The following SCHIP1 variants were observed in gnomAD, a reference collection of about 807,000 sequenced individuals.
The protein encoded by SCHIP1 is schwannomin interacting protein 1.
In SCHIP1, 8 loss-of-function variants were observed where a neutral mutation model predicts 29.7. The ratio of observed to expected loss-of-function variants is 0.27; its 90% CI spans 0.16 to 0.49. The LOEUF (loss-of-function observed/expected upper bound fraction) is 0.49, where lower values mean the gene tolerates loss of function less well. Among genes scored for constraint, SCHIP1 ranks in the 20% least tolerant of loss-of-function variants. The pLI, the probability that SCHIP1 is intolerant of heterozygous loss-of-function variation, is 0.99. For synonymous variants in SCHIP1, 76 were observed against 94.9 expected, an observed-to-expected ratio of 0.80 and a Z score of 1.16; for missense variants, 193 against 294.6, an observed-to-expected ratio of 0.66 and a Z score of 2.52.
chr3:159,335,418 T>TTCTAGATCCCTGAGGAATC, the SCHIP1 span, among the ~76,000 whole-genome samples: 3 of 152,162 alleles, frequency 2.0e-5, no homozygotes, highest in Non-Finnish European at 4.4e-5. Flanking sequence ...TGTATACATG[T>TTCTAGATCCCTGAGGAATC]GCCATGTTGG....
chr3:159,399,033 A>T, the SCHIP1 span: 3 of 663,570 alleles, frequency 4.5e-6, no homozygotes, highest in African/African-American at 5.9e-5. Flanking sequence ...CCCACCCCAA[A>T]CCCTCACTCC....
chr3:159,355,374 T>G, the SCHIP1 span, among the ~76,000 whole-genome samples: 1 of 152,190 alleles, frequency 6.6e-6, no homozygotes, highest in Admixed American at 6.5e-5. Context: ...CTCTCTTGCA[T>G]TGAACCCCCC....
chr3:159,576,843 A>G, the SCHIP1 span, among the ~76,000 whole-genome samples: 2 of 152,184 alleles, frequency 1.3e-5, no homozygotes, highest in Non-Finnish European at 2.9e-5. Context: ...CTAACCTGAG[A>G]ACAGCTGCCT....
the SCHIP1 span, among the ~76,000 whole-genome samples, chr3:159,815,166 T>C: frequency 6.6e-6 from 1 of 152,190 alleles, no homozygotes; most frequent in African/African-American, 2.4e-5. Flanking sequence ...AATTTAAAAT[T>C]AGACTCTCTT....
chr3:159,363,834 A>G, the SCHIP1 span, among the ~76,000 whole-genome samples: 2 of 152,208 alleles, frequency 1.3e-5, no homozygotes, highest in African/African-American at 4.8e-5. Flanking sequence ...ATAAAAGGAT[A>G]CTTTTTGATA....
At chr3:159,744,889 G>T in the SCHIP1 span, among the ~76,000 whole-genome samples, 6 of 152,192 alleles carry the variant, frequency 3.9e-5, no homozygotes, top group Non-Finnish European at 8.8e-5. Context: ...GGAGGCTGAG[G>T]CAGGAGAATG....
chr3:159,642,061 G>A, the SCHIP1 span, among the ~76,000 whole-genome samples: 5 of 152,030 alleles, frequency 3.3e-5, no homozygotes, highest in African/African-American at 1.2e-4. Context: ...TCCCACTTAT[G>A]GACTCTGTGA....
chr3:159,479,117 A>C, the SCHIP1 span, among the ~76,000 whole-genome samples: 1 of 152,332 alleles, frequency 6.6e-6, no homozygotes, highest in South Asian at 2.1e-4. Flanking sequence ...AATTCACATA[A>C]TATTAAGCCA....
At chr3:159,538,585 T>C in the SCHIP1 span, among the ~76,000 whole-genome samples, 1 of 152,148 alleles carries the variant, frequency 6.6e-6, no homozygotes, top group Non-Finnish European at 1.5e-5. Flanking sequence ...TTTCATAGCT[T>C]CAACCTTGAC....
the SCHIP1 span, among the ~76,000 whole-genome samples, chr3:159,710,977 A>G: frequency 6.6e-5 from 10 of 152,282 alleles, no homozygotes; most frequent in East Asian, 1.9e-3. Context: ...ACGTGATTAT[A>G]AGATAAAACT....
chr3:159,421,215 C>T, the SCHIP1 span, among the ~76,000 whole-genome samples: 1 of 152,158 alleles, frequency 6.6e-6, no homozygotes, highest in African/African-American at 2.4e-5. Context: ...TACATATTTA[C>T]TAAATTTATT....
intron 1 of SCHIP1, among the ~76,000 whole-genome samples, chr3:159,865,932 G>A (rs1714577016): frequency 6.6e-6 from 1 of 152,216 alleles, no homozygotes; most frequent in Non-Finnish European, 1.5e-5. Context: ...TTAGCACCAC[G>A]ATGGTGATTA....
chr3:159,631,123 A>G, the SCHIP1 span, among the ~76,000 whole-genome samples: 2 of 152,128 alleles, frequency 1.3e-5, no homozygotes, highest in African/African-American at 2.4e-5. Context: ...AAACCACAGT[A>G]AGATACTACT....
At chr3:159,277,836 A>G in the SCHIP1 span, among the ~76,000 whole-genome samples, 1 of 151,598 alleles carries the variant, frequency 6.6e-6, no homozygotes, top group African/African-American at 2.4e-5. Flanking sequence ...AATCACTTGA[A>G]CCCACTGGGT....
At chr3:159,613,222 G>A in the SCHIP1 span, among the ~76,000 whole-genome samples, 13 of 152,148 alleles carry the variant, frequency 8.5e-5, no homozygotes, top group African/African-American at 3.1e-4. Flanking sequence ...TAGAATATGA[G>A]AGACACCCTT....
At chr3:159,841,205 G>T (rs1001890401) in intron 1 of SCHIP1, among the ~76,000 whole-genome samples, 2 of 152,174 alleles carry the variant, frequency 1.3e-5, no homozygotes, top group Non-Finnish European at 2.9e-5. Flanking sequence ...AGGCAAAATA[G>T]TACATTTCAC....
chr3:159,477,021 C>T, the SCHIP1 span, among the ~76,000 whole-genome samples: 1 of 152,102 alleles, frequency 6.6e-6, no homozygotes, highest in Non-Finnish European at 1.5e-5. Flanking sequence ...TTAGATTCCA[C>T]ATACAAGTGA....
the SCHIP1 span, among the ~76,000 whole-genome samples, chr3:159,328,200 A>G: frequency 6.6e-6 from 1 of 152,234 alleles, no homozygotes; most frequent in Non-Finnish European, 1.5e-5. Context: ...GCCACAAAAC[A>G]TAGTGTGTAA....
chr3:159,860,832 C>G (rs2109206702), intron 1 of SCHIP1, among the ~76,000 whole-genome samples: 1 of 152,290 alleles, frequency 6.6e-6, no homozygotes, highest in Non-Finnish European at 1.5e-5. Flanking sequence ...ACTGGATCCC[C>G]TGATTCCCTA....
Sources: allele counts gnomAD v4.1 joint callset (sites outside exome capture counted in the v4.1 genomes callset), GRCh38; gene constraint gnomAD v4.1.1; transcripts MANE v1.5; gene names NCBI Gene and HGNC (gene_info 2026-07-23, HGNC 2026-07-21).